The following LRRC55 variants were observed in gnomAD, a reference collection of about 807,000 sequenced individuals.
LRRC55 encodes leucine-rich repeat-containing protein 55.
In LRRC55, 11 loss-of-function variants were observed where a neutral mutation model predicts 20.5. That is an observed-to-expected ratio of 0.54 (90% CI 0.34 to 0.89). The LOEUF (loss-of-function observed/expected upper bound fraction) is 0.89. Ranked by LOEUF, LRRC55 falls within the 40% of genes least tolerant of loss-of-function variation. LRRC55 has a pLI of 0.02. For synonymous variants in LRRC55, 188 were observed against 166.6 expected (o/e 1.13, Z -0.99); for missense variants, 358 against 390.9 (o/e 0.92, Z 0.71).
chr11:57,181,963 G>A lies in LRRC55; in HGVS notation c.-60G>A, dbSNP rs775146038. On this transcript the variant is annotated 5_prime_UTR_variant, in exon 1 of 2. Coordinates refer to ENST00000497933, the MANE Select transcript of LRRC55 (RefSeq NM_001005210.4). Reference sequence around the variant, plus strand: ...CTGCCTTCCTGTGTCACAGACTCTCGATTCCATGGACACAGTCCTCATGGG... The same window carrying A: ...CTGCCTTCCTGTGTCACAGACTCTCAATTCCATGGACACAGTCCTCATGGG... The A allele has an allele frequency of 1.9e-5, 30 of 1,613,930 alleles. No homozygotes were observed. The South Asian group carries it at 2.2e-4, about 12-fold the overall frequency.
In LRRC55 at chr11:57,191,392, T is replaced by C. The variant is rs1224872661; in HGVS notation, c.*3912T>C. On this transcript the variant is annotated 3_prime_UTR_variant, in exon 2 of 2. Coordinates refer to ENST00000497933, the MANE Select transcript of LRRC55 (RefSeq NM_001005210.4). ...TCTTAACCCATTCCTCAAAAGGACA[T>C]CTTCCTAAAGCCAGAGAAAATTGTC... 2.0e-5 allele frequency: 3 copies of C among 152,204 alleles called. No individual in the cohort carries two copies. The highest frequency in any genetic ancestry group is 6.5e-5 in the Admixed American group (1 of 15,278). The allele number at this position is 152,204 out of a possible 1,614,324, so 9.4% of individuals were successfully genotyped here. A position where few individuals can be genotyped will look rare whatever the true frequency, so the allele number is the denominator to read the frequency against.
chr11:57,187,345 C>G lies in LRRC55; in HGVS notation c.762C>G (p.Thr254=), dbSNP rs1280120093. ...ESFKACHLTL[T]LDDYLFIAFV... The stretch of plus-strand genomic sequence containing the variant: ...TCAAGGCCTGCCACCTGACCCTGAC[C>G]CTGGATGATTACCTATTCATTGCGT... The change falls in exon 2 of 2, where the codon ACC becomes ACG. Residue 254 remains threonine (T), a synonymous_variant. Coordinates refer to ENST00000497933, the MANE Select transcript of LRRC55 (RefSeq NM_001005210.4). 1.2e-6 allele frequency: 2 copies of G among 1,614,192 alleles called. No homozygotes were observed. Among genetic ancestry groups the G allele is most frequent in the Non-Finnish European group, 1.7e-6 (2 of 1,180,040 alleles).
rs147605276 is a variant in LRRC55 at position 57,187,474 on chromosome 11, G to A, written c.891G>A (p.Glu297=). ...GGAGCAAGGCCAGTGAAGAGGAAGA[G>A]ATCTGACATGCCTGCCTCTCATCCC... ...HRWSKASEEE[E]I is the part of the protein sequence containing the mutation. The change falls in exon 2 of 2, where the codon GAG becomes GAA. Residue 297 remains glutamate (E), a synonymous_variant. Transcript: ENST00000497933. The A allele has an allele frequency of 1.2e-4, 197 of 1,613,482 alleles. No homozygotes were observed. The African/African-American group carries it at 2.3e-3, about 19-fold the overall frequency.
In LRRC55 at chr11:57,191,587, T is replaced by TGGGGGGGGGGGGGGGGG. The variant is rs1590516204; in HGVS notation, c.*4111_*4112insGGGGGGGGGGGGGGGGG. On this transcript the variant is annotated 3_prime_UTR_variant, in exon 2 of 2. Coordinates refer to ENST00000497933, the MANE Select transcript of LRRC55 (RefSeq NM_001005210.4). ...TGCTAATGTCTGGGGGTGGGAGGGC[T>TGGGGGGGGGGGGGGGGG]GGGGAGGGGTGGGGTTAGAGGGAAG... 7.9e-5 allele frequency: 1 copy of TGGGGGGGGGGGGGGGGG among 12,610 alleles called. No homozygotes were observed. 0.8% of individuals were successfully genotyped at this position (12,610 alleles called of 1,614,324 possible).
At position 57,188,611 on chromosome 11, in the gene LRRC55, G is replaced by A. The variant is rs1044381922; in HGVS notation, c.*1131G>A. On this transcript the variant is annotated 3_prime_UTR_variant, in exon 2 of 2. Coordinates refer to ENST00000497933, the MANE Select transcript of LRRC55 (RefSeq NM_001005210.4). Reference sequence around the variant, plus strand: ...ACACAAATCTTTTGAGGTGAACGCTGTTGTTCCCATTTTACGGATGAGGCA... The same window carrying A: ...ACACAAATCTTTTGAGGTGAACGCTATTGTTCCCATTTTACGGATGAGGCA... 1 of 152,122 alleles carries A rather than the reference G, an allele frequency of 6.6e-6. No individual in the cohort carries two copies. The highest frequency in any genetic ancestry group is 6.5e-5 in the Admixed American group (1 of 15,280). The allele number at this position is 152,122 out of a possible 1,614,324, so 9.4% of individuals were successfully genotyped here.
In LRRC55 at chr11:57,187,246, T is replaced by A; in HGVS notation, c.663T>A (p.Asp221Glu). Residue 221 changes from aspartate (D) to glutamate (E), a missense_variant and splice_region_variant, in exon 2 of 2, where the codon GAT becomes GAA. Asp to Glu is a conservative substitution (Grantham distance 45). Coordinates refer to ENST00000497933, the MANE Select transcript of LRRC55 (RefSeq NM_001005210.4). The stretch of plus-strand genomic sequence containing the variant: ...CCCTCCCTGGCTTCTGTGTTACAGA[T>A]TCTCAGCTGGCTGAGTGCCGGGGCC... ...LRNRIQRCTA[D>E]SQLAECRGPP... The A allele has an allele frequency of 1.2e-6, 2 of 1,613,126 alleles. No individual in the cohort carries two copies. Among genetic ancestry groups the A allele is most frequent in the Non-Finnish European group, 1.7e-6 (2 of 1,179,870 alleles).
rs1194928263 is a variant in LRRC55, at chr11:57,189,131, TCTC to T, written c.*1654_*1656del. On this transcript the variant is annotated 3_prime_UTR_variant, in exon 2 of 2. Coordinates refer to ENST00000497933, the MANE Select transcript of LRRC55 (RefSeq NM_001005210.4). The stretch of plus-strand genomic sequence containing the variant: ...TAGTTCATGAGTATTTTTGCATCAT[TCTC>T]CTTGACTTTTCACATCCCTGTGCAG... The T allele has an allele frequency of 2.0e-5, 3 of 152,242 alleles. No homozygotes were observed. The allele number at this position is 152,242 out of a possible 1,614,324, so 9.4% of individuals were successfully genotyped here.
chr11:57,186,055 A>G (rs1267789621), intron 1 of LRRC55, among the ~76,000 whole-genome samples: 5 of 152,038 alleles, frequency 3.3e-5, no homozygotes, highest in Non-Finnish European at 7.4e-5. Flanking sequence ...AACTCACTGA[A>G]TCCTCACTAC....
chr11:57,189,224 G>A lies in LRRC55; in HGVS notation c.*1744G>A, dbSNP rs1471485405. ...GGAAAAAAGTCTCAAGGTTGGATAT[G>A]ACTTGCTATGTGGCAAGGTTGGGGC... On this transcript the variant is annotated 3_prime_UTR_variant, in exon 2 of 2. Transcript: ENST00000497933. The A allele has an allele frequency of 6.6e-6, 1 of 152,212 alleles. No individual in the cohort carries two copies. Among genetic ancestry groups the A allele is most frequent in the Non-Finnish European group, 1.5e-5 (1 of 68,038 alleles). 9.4% of individuals were successfully genotyped at this position (152,212 alleles called of 1,614,324 possible). A position where few individuals can be genotyped will look rare whatever the true frequency, so the allele number is the denominator to read the frequency against.
At position 57,182,498 on chromosome 11, in the gene LRRC55, A is replaced by G. The variant is rs772302414; in HGVS notation, c.476A>G (p.Gln159Arg). Residue 159 changes from glutamine to arginine, a missense_variant, in exon 1 of 2, where the codon CAG (glutamine) becomes CGG (arginine). Coordinates refer to ENST00000497933, the MANE Select transcript of LRRC55 (RefSeq NM_001005210.4). ...WLRRVHPQAF[Q>R]GLMQLRDLDL... ...CGGAGGGTGCATCCCCAGGCCTTTC[A>G]GGGCCTCATGCAGCTCCGAGACCTG... The G allele has an allele frequency of 2.1e-5, 33 of 1,604,364 alleles. 1 individual carries two copies. The highest frequency in any genetic ancestry group is 3.3e-4 in the Middle Eastern group (2 of 6,044).
At chr11:57,185,039 G>A (rs1265648804) in intron 1 of LRRC55, among the ~76,000 whole-genome samples, 1 of 152,134 alleles carries the variant, frequency 6.6e-6, no homozygotes, top group African/African-American at 2.4e-5. Context: ...CCTGGGATTT[G>A]GGGAAGGTTG....
intron 1 of LRRC55, among the ~76,000 whole-genome samples, chr11:57,183,691 C>G (rs988085640): frequency 5.9e-5 from 9 of 152,206 alleles, no homozygotes; most frequent in Non-Finnish European, 8.8e-5. Flanking sequence ...TCCTCAAACT[C>G]AAGGCCCTGA....
Position 57,182,259 on chromosome 11 carries a change from A to G in LRRC55, c.237A>G (p.Ala79=). The G allele has an allele frequency of 6.2e-7, 1 of 1,614,190 alleles. No individual in the cohort carries two copies. The highest frequency in any genetic ancestry group is 8.5e-7 in the Non-Finnish European group (1 of 1,180,034). The change falls in exon 1 of 2, where the codon GCA becomes GCG. Residue 79 remains alanine, a synonymous_variant. Coordinates refer to ENST00000497933, the MANE Select transcript of LRRC55 (RefSeq NM_001005210.4). The stretch of plus-strand genomic sequence containing the variant: ...GCCTGGCCCACAACCGCATCACAGC[A>G]GTGCCGCCTGGCTACCTCACATGCT... ...NLSLAHNRIT[A]VPPGYLTCYM...
In LRRC55 at chr11:57,187,753, T is replaced by C; in HGVS notation, c.*273T>C. ...CCAAAAACTATTCCCTTTAAGACTA[T>C]ATGTCAGGACTCTGAGCACGTCATT... On this transcript the variant is annotated 3_prime_UTR_variant, in exon 2 of 2. Transcript: ENST00000497933. 6 of 530,600 alleles carry C rather than the reference T, an allele frequency of 1.1e-5. No individual in the cohort carries two copies. The highest frequency in any genetic ancestry group is 2.0e-5 in the Non-Finnish European group (6 of 299,084). 32.9% of individuals were successfully genotyped at this position (530,600 alleles called of 1,614,324 possible).
Position 57,189,679 on chromosome 11 carries a change from C to T in LRRC55, c.*2199C>T, listed in dbSNP as rs1280729235. ...CCTCTGCAGTTTAGGAGAAGAACAT[C>T]AAGGCACAGTCCAACATGCTGATAA... On this transcript the variant is annotated 3_prime_UTR_variant, in exon 2 of 2. Transcript: ENST00000497933. 1.3e-5 allele frequency: 2 copies of T among 152,252 alleles called. No homozygotes were observed. Among genetic ancestry groups the T allele is most frequent in the African/African-American group, 4.8e-5 (2 of 41,436 alleles). The allele number at this position is 152,252 out of a possible 1,614,324, so 9.4% of individuals were successfully genotyped here. A position where few individuals can be genotyped will look rare whatever the true frequency, so the allele number is the denominator to read the frequency against.
chr11:57,189,903 C>T lies in LRRC55; in HGVS notation c.*2423C>T, dbSNP rs1335109284. On this transcript the variant is annotated 3_prime_UTR_variant, in exon 2 of 2. Coordinates refer to ENST00000497933, the MANE Select transcript of LRRC55 (RefSeq NM_001005210.4). ...AAGAGTCTTCAGAAACTTTGCTAGA[C>T]CTGAAGTACTTGAACCTGTGTCCCC... 1 of 152,208 alleles carries T rather than the reference C, an allele frequency of 6.6e-6. No individual in the cohort carries two copies. The highest frequency in any genetic ancestry group is 1.5e-5 in the Non-Finnish European group (1 of 68,064). 9.4% of individuals were successfully genotyped at this position (152,208 alleles called of 1,614,324 possible).
intron 1 of LRRC55, among the ~76,000 whole-genome samples, chr11:57,183,305 T>C (rs927859074): frequency 6.6e-6 from 1 of 152,180 alleles, no homozygotes; most frequent in Non-Finnish European, 1.5e-5. Context: ...AGAGCTGCAA[T>C]AGCTTAAGTT....
Position 57,187,919 on chromosome 11 carries a change from G to C in LRRC55, c.*439G>C, listed in dbSNP as rs1047592662. On this transcript the variant is annotated 3_prime_UTR_variant, in exon 2 of 2. Transcript: ENST00000497933. ...AAGAAGGGTGTCTGCACATGGCAGAGGCCAGAATATGCATAGTGTGCTGTG... is the reference window on the plus strand; with the variant it reads ...AAGAAGGGTGTCTGCACATGGCAGACGCCAGAATATGCATAGTGTGCTGTG... The C allele has an allele frequency of 1.1e-5, 3 of 263,642 alleles. No individual in the cohort carries two copies. The highest frequency in any genetic ancestry group is 2.2e-5 in the Non-Finnish European group (3 of 136,330). The allele number at this position is 263,642 out of a possible 1,614,324, so 16.3% of individuals were successfully genotyped here. A position where few individuals can be genotyped will look rare whatever the true frequency, so the allele number is the denominator to read the frequency against.
rs1854497078 is a variant in LRRC55, at chr11:57,190,671, G to A, written c.*3191G>A. Reference sequence around the variant, plus strand: ...CTCTAGAACTTGGGTTCAGTTCTCTGACATAGTCCACTCAGCCATAGGCTG... The same window carrying A: ...CTCTAGAACTTGGGTTCAGTTCTCTAACATAGTCCACTCAGCCATAGGCTG... On this transcript the variant is annotated 3_prime_UTR_variant, in exon 2 of 2. Coordinates refer to ENST00000497933, the MANE Select transcript of LRRC55 (RefSeq NM_001005210.4). 6.6e-6 allele frequency: 1 copy of A among 152,272 alleles called. No homozygotes were observed. Among genetic ancestry groups the A allele is most frequent in the African/African-American group, 2.4e-5 (1 of 41,548 alleles). The allele number at this position is 152,272 out of a possible 1,614,324, so 9.4% of individuals were successfully genotyped here. A position where few individuals can be genotyped will look rare whatever the true frequency, so the allele number is the denominator to read the frequency against.
Sources: allele counts gnomAD v4.1 joint callset (sites outside exome capture counted in the v4.1 genomes callset), GRCh38; gene constraint gnomAD v4.1.1; transcripts MANE v1.5; gene names NCBI Gene and HGNC (gene_info 2026-07-23, HGNC 2026-07-21).